The following GUCY1A1 variants were observed in gnomAD, a reference collection of about 807,000 sequenced individuals.
The protein encoded by GUCY1A1 is guanylate cyclase 1 soluble subunit alpha 1.
GUCY1A1 carries 48 observed loss-of-function variants against 64.5 expected under a neutral mutation model. That is an observed-to-expected ratio of 0.74 (90% CI 0.59 to 0.95). The LOEUF is 0.95. Among genes scored for constraint, GUCY1A1 ranks in the 40% least tolerant of loss-of-function variants. The pLI, the probability that GUCY1A1 is intolerant of heterozygous loss-of-function variation, is 0.00. For missense variants in GUCY1A1, 804 were observed against 825.3 expected (o/e 0.97, Z 0.32); for synonymous variants, 308 against 303.4 (o/e 1.02, Z -0.16).
intron 2 of GUCY1A1, among the ~76,000 whole-genome samples, chr4:155,684,672 G>A (rs772388104): frequency 1.2e-4 from 19 of 152,098 alleles, no homozygotes; most frequent in Non-Finnish European, 2.5e-4. Flanking sequence ...TCTGAGAAAC[G>A]TACTTTGCCA....
intron 2 of GUCY1A1, among the ~76,000 whole-genome samples, chr4:155,681,499 A>G (rs1210455565): frequency 6.6e-6 from 1 of 152,124 alleles, no homozygotes; most frequent in Non-Finnish European, 1.5e-5. Context: ...CTTTCAGTCT[A>G]CTATTCTTAT....
At chr4:155,684,405 A>T (rs1214161987) in intron 2 of GUCY1A1, among the ~76,000 whole-genome samples, 1 of 152,086 alleles carries the variant, frequency 6.6e-6, no homozygotes, top group East Asian at 1.9e-4. Flanking sequence ...TCTTTTGCTA[A>T]CCTGATTCCA....
intron 8 of GUCY1A1, among the ~76,000 whole-genome samples, chr4:155,719,934 G>A (rs895521779): frequency 1.3e-5 from 2 of 152,254 alleles, no homozygotes; most frequent in East Asian, 3.9e-4. Flanking sequence ...TTATTTCACA[G>A]GGAAGTCTGT....
At position 155,733,667 on chromosome 4, in the gene GUCY1A1, GAA is replaced by G. The variant is rs961574926; in HGVS notation, c.*3447_*3448del. 7.6e-6 allele frequency among the ~76,000 whole-genome samples: 1 copy of G among 131,800 alleles called. No homozygotes were observed. 86.5% of individuals were successfully genotyped at this position (131,800 alleles called of 152,430 possible). A position where few individuals can be genotyped will look rare whatever the true frequency, so the allele number is the denominator to read the frequency against. The stretch of plus-strand genomic sequence containing the variant: ...CTTGTTCAAAATAGATTTTACAAAA[GAA>G]AAAAAAAAAAGAAGCAACATGAGTA... On this transcript the variant is annotated 3_prime_UTR_variant, in exon 10 of 10. Transcript: ENST00000506455.
At chr4:155,672,239 C>T (rs1216859637) in intron 2 of GUCY1A1, among the ~76,000 whole-genome samples, 1 of 152,070 alleles carries the variant, frequency 6.6e-6, no homozygotes, top group African/African-American at 2.4e-5. Context: ...ACAGAATAGC[C>T]ATTTTCACCA....
chr4:155,709,323 C>T (rs1269555179), intron 5 of GUCY1A1, among the ~76,000 whole-genome samples: 1 of 152,216 alleles, frequency 6.6e-6, no homozygotes, highest in Non-Finnish European at 1.5e-5. Flanking sequence ...GTCTTCTTCA[C>T]CATACCCACC....
chr4:155,696,363 A>G (rs1355262185), intron 2 of GUCY1A1, among the ~76,000 whole-genome samples: 1 of 152,156 alleles, frequency 6.6e-6, no homozygotes, highest in Non-Finnish European at 1.5e-5. Context: ...GGAGAGCATA[A>G]TGAGAATGTA....
chr4:155,711,224 G>A lies in GUCY1A1; in HGVS notation c.1059G>A (p.Trp353Ter). The change falls in exon 6 of 10, where the codon TGG becomes TGA. Residue 353 changes from tryptophan to a stop codon, truncating the protein, a stop_gained. Coordinates refer to ENST00000506455, the MANE Select transcript of GUCY1A1 (RefSeq NM_001130682.3). LOFTEE classifies it high-confidence loss of function. ...AGTTTGTTGTACGAGTGAGGAGATG[G>A]GACAACTCTGTGAAAAAATCTTCAA... ...NMQFVVRVRR[W>*]DNSVKKSSRV... 3 of 1,589,424 alleles carry A rather than the reference G, an allele frequency of 1.9e-6. No individual in the cohort carries two copies. The highest frequency in any genetic ancestry group is 1.7e-6 in the Non-Finnish European group (2 of 1,157,946).
intron 7 of GUCY1A1, among the ~76,000 whole-genome samples, chr4:155,715,406 G>C (rs1042918599): frequency 6.6e-6 from 1 of 151,902 alleles, no homozygotes; most frequent in Non-Finnish European, 1.5e-5. Context: ...GTTTCTCTGT[G>C]TGTTCATTTA....
At chr4:155,692,621 T>C (rs1466051201) in intron 2 of GUCY1A1, among the ~76,000 whole-genome samples, 1 of 152,250 alleles carries the variant, frequency 6.6e-6, no homozygotes, top group Non-Finnish European at 1.5e-5. Flanking sequence ...TGTCTTTTTC[T>C]AACTTTTCAT....
At chr4:155,708,785 A>G (rs1272729391) in intron 5 of GUCY1A1, among the ~76,000 whole-genome samples, 1 of 152,176 alleles carries the variant, frequency 6.6e-6, no homozygotes, top group South Asian at 2.1e-4. Context: ...AGTATAAGAT[A>G]TTGATAATAA....
intron 2 of GUCY1A1, among the ~76,000 whole-genome samples, chr4:155,692,674 CAG>C (rs1436099607): frequency 2.0e-5 from 3 of 152,132 alleles, no homozygotes; most frequent in Admixed American, 6.5e-5. Context: ...GTATCAGTGC[CAG>C]AGAGTGTGGT....
rs1349801304 is a variant in GUCY1A1 at position 155,732,601 on chromosome 4, G to A, written c.*2370G>A. 6.6e-6 allele frequency among the ~76,000 whole-genome samples: 1 copy of A among 151,910 alleles called. No homozygotes were observed. The highest frequency in any genetic ancestry group is 1.9e-4 in the East Asian group (1 of 5,168). On this transcript the variant is annotated 3_prime_UTR_variant, in exon 10 of 10. Transcript: ENST00000506455. Reference sequence around the variant, plus strand: ...CAGACCACTGATGGTAGCCAGAGTAGAGACCCTGGAGCATAGATTCTTAAA... The same window carrying A: ...CAGACCACTGATGGTAGCCAGAGTAAAGACCCTGGAGCATAGATTCTTAAA...
intron 2 of GUCY1A1, among the ~76,000 whole-genome samples, chr4:155,672,718 T>A (rs1218011632): frequency 6.6e-6 from 1 of 152,240 alleles, no homozygotes; most frequent in Non-Finnish European, 1.5e-5. Context: ...TCCAGCTCTC[T>A]AAATTATAGC....
chr4:155,700,972 T>A (rs1560938041), intron 3 of GUCY1A1, among the ~76,000 whole-genome samples: 1 of 152,186 alleles, frequency 6.6e-6, no homozygotes, highest in Non-Finnish European at 1.5e-5. Flanking sequence ...GTTGATTTTA[T>A]GTTATGAGGC....
intron 2 of GUCY1A1, among the ~76,000 whole-genome samples, chr4:155,696,204 A>G (rs1043155269): frequency 1.6e-4 from 24 of 152,138 alleles, no homozygotes; most frequent in Non-Finnish European, 3.2e-4. Context: ...TGCCATAATC[A>G]TCTTCATTGA....
intron 9 of GUCY1A1, among the ~76,000 whole-genome samples, chr4:155,728,475 G>C (rs1471520062): frequency 6.6e-6 from 1 of 151,854 alleles, no homozygotes; most frequent in African/African-American, 2.4e-5. Flanking sequence ...TGGGTAATTA[G>C]AGTGTGTCCA....
intron 2 of GUCY1A1, among the ~76,000 whole-genome samples, chr4:155,671,204 C>T (rs1048865528): frequency 7.9e-5 from 12 of 152,070 alleles, no homozygotes; most frequent in Non-Finnish European, 2.9e-5. Flanking sequence ...TGTGCTCTTC[C>T]GTCATATAGT....
rs922532575 is a variant in GUCY1A1 at position 155,736,148 on chromosome 4, G to T, written c.*5917G>T. On this transcript the variant is annotated 3_prime_UTR_variant, in exon 10 of 10. Coordinates refer to ENST00000506455, the MANE Select transcript of GUCY1A1 (RefSeq NM_001130682.3). ...GCAATCTGTTAATAAAATATTGTAG[G>T]ACAACAACTCTATAGACTGATACAT... 6.6e-6 allele frequency: 1 copy of T among 151,792 alleles called. No homozygotes were observed. The highest frequency in any genetic ancestry group is 1.5e-5 in the Non-Finnish European group (1 of 67,908). The allele number at this position is 151,792 out of a possible 1,614,324, so 9.4% of individuals were successfully genotyped here. A position where few individuals can be genotyped will look rare whatever the true frequency, so the allele number is the denominator to read the frequency against.
Sources: allele counts gnomAD v4.1 joint callset (sites outside exome capture counted in the v4.1 genomes callset), GRCh38; gene constraint gnomAD v4.1.1; transcripts MANE v1.5; gene names NCBI Gene and HGNC (gene_info 2026-07-23, HGNC 2026-07-21).